RBM17: variants seen among roughly 807,000 people sequenced by gnomAD.
The protein encoded by RBM17 is RNA binding motif protein 17.
In RBM17, 7 loss-of-function variants were observed where a neutral mutation model predicts 53.2. That is an observed-to-expected ratio of 0.13 (90% confidence interval 0.07 to 0.25). The LOEUF (loss-of-function observed/expected upper bound fraction) is 0.25, where lower values mean the gene tolerates loss of function less well. Ranked by LOEUF, RBM17 falls within the 10% of genes least tolerant of loss-of-function variation. RBM17 has a pLI of 1.00. For synonymous variants in RBM17, 167 were observed against 178.1 expected (o/e 0.94, Z 0.50); for missense variants, 257 against 496.7 (o/e 0.52, Z 4.59).
intron 2 of RBM17, among the ~76,000 whole-genome samples, chr10:6,100,493 C>G (rs935869295): frequency 2.0e-5 from 3 of 152,040 alleles, no homozygotes; most frequent in African/African-American, 7.3e-5. Context: ...AACTAAATAA[C>G]CAGGTAGTTA....
At chr10:6,113,368 T>G in intron 8 of RBM17, 140 bp from the exon 9 acceptor site, 2 of 609,692 alleles carry the variant, frequency 3.3e-6, no homozygotes, top group Non-Finnish European at 5.8e-6. Context: ...AGAGACCAAT[T>G]GTGTAGATGC....
At chr10:6,098,584 T>C (rs940090246) in intron 2 of RBM17, among the ~76,000 whole-genome samples, 1 of 108,858 alleles carries the variant, frequency 9.2e-6, no homozygotes, top group East Asian at 2.9e-4. Flanking sequence ...TTTTTTTTTT[T>C]TTTTTTTTTG....
rs1451842690 is a variant in RBM17, at chr10:6,108,723, G to A, written c.543G>A (p.Leu181=). 1 of 1,612,152 alleles carries A rather than the reference G, an allele frequency of 6.2e-7. No individual in the cohort carries two copies. Residue 181 remains leucine, a synonymous_variant, in exon 6 of 12, where the codon CTG becomes CTA. Transcript: ENST00000379888. ...CTGCCATTGCCCCACCCACTTCTCT[G>A]GTAGAGAAAGACAAAGAGTGTAAGT... ...GGAAIAPPTS[L]VEKDKELPRD...
chr10:6,090,062 T>G (rs1474328793), intron 1 of RBM17: 1 of 152,358 alleles, frequency 6.6e-6, no homozygotes, highest in East Asian at 1.9e-4. Flanking sequence ...TAGTGCGTTC[T>G]GGAAGCTGCA....
intron 1 of RBM17, among the ~76,000 whole-genome samples, chr10:6,090,533 A>G (rs1461276853): frequency 6.6e-6 from 1 of 152,232 alleles, no homozygotes; most frequent in African/African-American, 2.4e-5. Context: ...GAGGCTCTTG[A>G]GAGAATTGTT....
chr10:6,111,364 GA>G (rs1353877622), intron 7 of RBM17, among the ~76,000 whole-genome samples: 1 of 152,188 alleles, frequency 6.6e-6, no homozygotes, highest in Admixed American at 6.5e-5. Flanking sequence ...TTCTGAGATG[GA>G]GTCTCGCTCT....
chr10:6,102,187 C>T (rs899104790), intron 3 of RBM17, among the ~76,000 whole-genome samples: 4 of 152,132 alleles, frequency 2.6e-5, no homozygotes, highest in South Asian at 2.1e-4. Flanking sequence ...TGCACAAAAC[C>T]GCTTGATGAA....
chr10:6,091,857 G>T (rs189962312), intron 1 of RBM17, among the ~76,000 whole-genome samples: 2 of 138,404 alleles, frequency 1.4e-5, no homozygotes, highest in South Asian at 2.6e-4. Flanking sequence ...CAGTTGGGGG[G>T]GGTTAGTTTT....
chr10:6,114,414 T>C (rs1413705537), intron 10 of RBM17: 7 of 345,322 alleles, frequency 2.0e-5, no homozygotes, highest in Non-Finnish European at 2.8e-5. Context: ...GCGTGCTCAG[T>C]AGTTTAGTTC....
rs762783739 is a variant in RBM17 at position 6,104,943 on chromosome 10, A to C, written c.253A>C (p.Ser85Arg). Residue 85 changes from serine to arginine, a missense_variant, in exon 4 of 12, where the codon AGT becomes CGT. Physicochemically the swap from Ser to Arg is moderately radical, Grantham distance 110 (BLOSUM62 -1). Coordinates refer to ENST00000379888, the MANE Select transcript of RBM17 (RefSeq NM_032905.5). ...TTACCTTCCTCAGGATCCTGTTCCC[A>C]GTGGGTTTTCTGCAGGGGAAGTTCT... The part of the protein sequence containing the change: ...VAAGLKDPVP[S>R]GFSAGEVLIP... 1 of 1,613,714 alleles carries C rather than the reference A, an allele frequency of 6.2e-7. No individual in the cohort carries two copies. The highest frequency in any genetic ancestry group is 2.2e-5 in the East Asian group (1 of 44,898).
intron 9 of RBM17, 145 bp from the exon 10 acceptor site, chr10:6,113,904 C>G: frequency 1.6e-6 from 1 of 619,386 alleles, no homozygotes; most frequent in South Asian, 2.1e-5. Context: ...GAAATACTAA[C>G]TTTTGGGTAC....
At chr10:6,094,854 C>T (rs563162042) in intron 1 of RBM17, among the ~76,000 whole-genome samples, 4 of 152,260 alleles carry the variant, frequency 2.6e-5, no homozygotes, top group East Asian at 3.9e-4. Flanking sequence ...GAGAGGGCTT[C>T]GCAAATGGAG....
chr10:6,091,473 T>A (rs913277743), intron 1 of RBM17, among the ~76,000 whole-genome samples: 3 of 152,236 alleles, frequency 2.0e-5, no homozygotes, highest in Non-Finnish European at 4.4e-5. Context: ...TGCTCAGAAC[T>A]CAGACCTTGA....
chr10:6,097,077 C>CGAT lies in RBM17; in HGVS notation c.15_17dup (p.Asp6dup). 6.2e-7 allele frequency: 1 copy of CGAT among 1,613,352 alleles called. No homozygotes were observed. Among genetic ancestry groups the CGAT allele is most frequent in the Admixed American group, 1.7e-5 (1 of 60,016 alleles). ...AAACTGAAGAAAAGATGTCCCTGTA[C>CGAT]GATGACCTAGGAGTGGAGACCAGTG... On this transcript the variant is annotated inframe_insertion, in exon 2 of 12. Coordinates refer to ENST00000379888, the MANE Select transcript of RBM17 (RefSeq NM_032905.5).
chr10:6,092,732 A>G (rs1303107993), intron 1 of RBM17, among the ~76,000 whole-genome samples: 1 of 152,262 alleles, frequency 6.6e-6, no homozygotes, highest in Non-Finnish European at 1.5e-5. Flanking sequence ...CGAAGAAAGC[A>G]CTTTTGCATT....
At chr10:6,099,059 G>A (rs963248492) in intron 2 of RBM17, among the ~76,000 whole-genome samples, 3 of 151,910 alleles carry the variant, frequency 2.0e-5, no homozygotes, top group Non-Finnish European at 2.9e-5. Flanking sequence ...CCAAATGTAA[G>A]GAGGGTTAGC....
intron 7 of RBM17, among the ~76,000 whole-genome samples, chr10:6,110,655 A>G (rs79275575): frequency 0.033 from 4,979 of 152,234 alleles, 110 homozygotes; most frequent in Middle Eastern, 0.075. Flanking sequence ...GGGCTTGGCA[A>G]ACATTTTGGT....
chr10:6,097,292 G>A, intron 2 of RBM17, 104 bp downstream of exon 2: 1 of 1,177,726 alleles, frequency 8.5e-7, no homozygotes. Context: ...TTTGTATTGG[G>A]TAAATGGTGT....
intron 2 of RBM17, among the ~76,000 whole-genome samples, chr10:6,099,181 G>C (rs1376457692): frequency 1.3e-5 from 2 of 151,750 alleles, no homozygotes; most frequent in Admixed American, 1.3e-4. Context: ...CACCGTGCCC[G>C]GCCTCATATA....
Sources: allele counts gnomAD v4.1 joint callset (sites outside exome capture counted in the v4.1 genomes callset), GRCh38; gene constraint gnomAD v4.1.1; transcripts MANE v1.5; gene names NCBI Gene and HGNC (gene_info 2026-07-23, HGNC 2026-07-21).